The following TDRD5 variants were observed in gnomAD, a reference collection of about 807,000 sequenced individuals.
TDRD5 encodes tudor domain-containing protein 5.
TDRD5 carries 41 observed loss-of-function variants against 120.6 expected under a neutral mutation model. That is an observed-to-expected ratio of 0.34 (90% confidence interval 0.26 to 0.44). TDRD5 has a LOEUF of 0.44. Among genes scored for constraint, TDRD5 ranks in the 20% least tolerant of loss-of-function variants. TDRD5 has a pLI of 1.00. For missense variants in TDRD5, 1,006 were observed against 1,221.2 expected, an observed-to-expected ratio of 0.82 and a Z score of 2.63; for synonymous variants, 430 against 433.7, an observed-to-expected ratio of 0.99 and a Z score of 0.11.
chr1:179,600,539 GA>G (rs1396547766), intron 4 of TDRD5, among the ~76,000 whole-genome samples: 3 of 152,156 alleles, frequency 2.0e-5, no homozygotes, highest in African/African-American at 7.2e-5. Flanking sequence ...GCATTTCTCA[GA>G]ATGTATCCCC....
intron 13 of TDRD5, 107 bp from the exon 14 acceptor site, chr1:179,654,094 A>G: frequency 1.1e-6 from 1 of 877,972 alleles, no homozygotes; most frequent in Admixed American, 3.0e-5. Flanking sequence ...ATAATGTAGC[A>G]TTTGTGTGAA....
In TDRD5 at chr1:179,659,465, A is replaced by G. The variant is rs989216845; in HGVS notation, c.2323-2639A>G. On this transcript the variant is annotated intron_variant, in intron 14 of 17. Coordinates refer to ENST00000444136, the MANE Select transcript of TDRD5 (RefSeq NM_001199085.3). ...GTCTTGGTGAATTGACCCTTTTATCATTATGAAATGTCTTTATTCACAATT... is the reference window on the plus strand; with the variant it reads ...GTCTTGGTGAATTGACCCTTTTATCGTTATGAAATGTCTTTATTCACAATT... Among the ~76,000 whole-genome samples, 7 of 151,632 alleles carry G rather than the reference A, an allele frequency of 4.6e-5. No individual in the cohort carries two copies. The East Asian group carries it at 1.4e-3, about 29-fold the overall frequency.
At position 179,593,455 on chromosome 1, in the gene TDRD5, C is replaced by T; in HGVS notation, c.233-5C>T. 6.2e-7 allele frequency: 1 copy of T among 1,609,550 alleles called. No homozygotes were observed. On this transcript the variant is annotated splice_polypyrimidine_tract_variant and splice_region_variant and intron_variant, in intron 2 of 17. Coordinates refer to ENST00000444136, the MANE Select transcript of TDRD5 (RefSeq NM_001199085.3). ...TAAATATGATTTCTATTTTTCACGT[C>T]TCAGCCATTCCAGATGAATCTACCA...
At chr1:179,658,391 G>A (rs1319106305) in intron 14 of TDRD5, among the ~76,000 whole-genome samples, 1 of 152,042 alleles carries the variant, frequency 6.6e-6, no homozygotes, top group Non-Finnish European at 1.5e-5. Flanking sequence ...ATCTGGGCCT[G>A]GAGACTTTTT....
chr1:179,605,651 C>A (rs536327548), intron 4 of TDRD5, among the ~76,000 whole-genome samples: 3 of 152,282 alleles, frequency 2.0e-5, no homozygotes, highest in African/African-American at 7.2e-5. Context: ...CCCATGGTAA[C>A]CACTGATCTT....
chr1:179,647,221 C>A (rs1260901779), intron 11 of TDRD5, among the ~76,000 whole-genome samples: 2 of 140,326 alleles, frequency 1.4e-5, no homozygotes, highest in South Asian at 2.4e-4. Flanking sequence ...CTACAGTAAC[C>A]AAAACAGCAT....
chr1:179,613,580 G>A (rs1190410977), intron 4 of TDRD5, among the ~76,000 whole-genome samples: 1 of 152,140 alleles, frequency 6.6e-6, no homozygotes, highest in Non-Finnish European at 1.5e-5. Context: ...AAAGATCATG[G>A]CTCTGGCATA....
intron 11 of TDRD5, among the ~76,000 whole-genome samples, chr1:179,650,518 C>T (rs140905270): frequency 1.4e-4 from 21 of 151,394 alleles, no homozygotes; most frequent in Non-Finnish European, 2.4e-4. Flanking sequence ...TCAAGCTTGT[C>T]AGTTCTTTGA....
chr1:179,687,714 A>C (rs1680807148), intron 17 of TDRD5, among the ~76,000 whole-genome samples: 2 of 152,060 alleles, frequency 1.3e-5, no homozygotes, highest in Admixed American at 1.3e-4. Flanking sequence ...TTGCTTTATG[A>C]ATCTGGGTGC....
intron 6 of TDRD5, among the ~76,000 whole-genome samples, chr1:179,629,917 G>C (rs190881172): frequency 2.4e-4 from 37 of 151,712 alleles, no homozygotes; most frequent in Admixed American, 1.6e-3. Context: ...CTTTTCTAAG[G>C]CAAGAAAATC....
intron 13 of TDRD5, among the ~76,000 whole-genome samples, chr1:179,653,096 A>G (rs1369172936): frequency 6.6e-6 from 1 of 152,196 alleles, no homozygotes; most frequent in Non-Finnish European, 1.5e-5. Context: ...CAAGTGAAGC[A>G]TATAGTGAGG....
intron 7 of TDRD5, among the ~76,000 whole-genome samples, chr1:179,632,263 T>G (rs1428055942): frequency 1.3e-5 from 2 of 152,156 alleles, no homozygotes; most frequent in East Asian, 3.9e-4. Flanking sequence ...CACATGGAGT[T>G]GTAAGAAATA....
chr1:179,640,316 G>A, intron 10 of TDRD5, 63 bp from the exon 11 acceptor site: 1 of 1,575,150 alleles, frequency 6.3e-7, no homozygotes. Flanking sequence ...TTTGGGTCAT[G>A]CTAAGAGGTG....
At chr1:179,674,596 A>T (rs529600622) in intron 17 of TDRD5, among the ~76,000 whole-genome samples, 3 of 152,236 alleles carry the variant, frequency 2.0e-5, no homozygotes, top group Admixed American at 6.5e-5. Flanking sequence ...TATCTTTTGG[A>T]ATACTGTCAA....
At chr1:179,615,709 G>T (rs997059200) in intron 4 of TDRD5, among the ~76,000 whole-genome samples, 6 of 151,064 alleles carry the variant, frequency 4.0e-5, no homozygotes, top group Non-Finnish European at 7.4e-5. Context: ...CTTTTCCTGG[G>T]CTTTAAAAAA....
At chr1:179,632,149 A>G (rs1051860453) in intron 7 of TDRD5, among the ~76,000 whole-genome samples, 1 of 150,540 alleles carries the variant, frequency 6.6e-6, no homozygotes, top group Non-Finnish European at 1.5e-5. Flanking sequence ...CTCGTGATCC[A>G]CCCGCCTCAG....
rs1677656662 is a variant in TDRD5, at chr1:179,634,581, A to G, written c.1251A>G (p.Gln417=). The G allele has an allele frequency of 1.9e-6, 3 of 1,613,918 alleles. No individual in the cohort carries two copies. Among genetic ancestry groups the G allele is most frequent in the Non-Finnish European group, 2.5e-6 (3 of 1,180,000 alleles). Residue 417 remains glutamine (Q), a synonymous_variant, in exon 8 of 18, where the codon CAA becomes CAG. Transcript: ENST00000444136. ...CTTCAAAAAAACAAAAAGAGCCACA[A>G]CAGAAGATTTGCAAGAAGCCTAATC... ...NCPSKKQKEP[Q]QKICKKPNLV... is the part of the protein sequence containing the mutation.
intron 17 of TDRD5, among the ~76,000 whole-genome samples, chr1:179,689,496 G>C (rs989972872): frequency 6.6e-6 from 1 of 152,164 alleles, no homozygotes; most frequent in African/African-American, 2.4e-5. Flanking sequence ...GCTATTCAGG[G>C]GTCAGGGACC....
At chr1:179,649,153 A>C (rs1678572834) in intron 11 of TDRD5, among the ~76,000 whole-genome samples, 1 of 152,032 alleles carries the variant, frequency 6.6e-6, no homozygotes, top group Non-Finnish European at 1.5e-5. Flanking sequence ...ATTTTCTATT[A>C]GTCGCTCCTG....
Sources: allele counts gnomAD v4.1 joint callset (sites outside exome capture counted in the v4.1 genomes callset), GRCh38; gene constraint gnomAD v4.1.1; transcripts MANE v1.5; gene names NCBI Gene and HGNC (gene_info 2026-07-23, HGNC 2026-07-21).